Variants in AVL9 observed in about 807,000 individuals in gnomAD.
AVL9 encodes late secretory pathway protein AVL9 homolog.
A neutral mutation model predicts 79.2 loss-of-function variants in AVL9; 49 were observed. The ratio of observed to expected loss-of-function variants is 0.62; its 90% confidence interval spans 0.49 to 0.79. AVL9 has a LOEUF of 0.79. Ranked by LOEUF, AVL9 falls within the 30% of genes least tolerant of loss-of-function variation. The probability of loss-of-function intolerance (pLI) is 0.00; values close to 1 mark genes in which losing one functional copy is unlikely to be tolerated. For missense variants in AVL9, 682 were observed against 776.8 expected (o/e 0.88, Z 1.45); for synonymous variants, 299 against 280.6 (o/e 1.07, Z -0.65).
At chr7:32,540,871 C>CTTTTTTTTTTTTTTTTTTTTTTTTT (rs749306635) in intron 1 of AVL9, among the ~76,000 whole-genome samples, 1 of 72,468 alleles carries the variant, frequency 1.4e-5, no homozygotes, top group Non-Finnish European at 2.6e-5. Context: ...TGTTGTACTA[C>CTTTTTTTTTTTTTTTTTTTTTTTTT]TTTTTTTTTT....
At position 32,570,089 on chromosome 7, in the gene AVL9, T is replaced by C; in HGVS notation, c.1285T>C (p.Phe429Leu). The C allele has an allele frequency of 6.2e-7, 1 of 1,614,184 alleles. No homozygotes were observed. Among genetic ancestry groups the C allele is most frequent in the Non-Finnish European group, 8.5e-7 (1 of 1,180,022 alleles). Residue 429 changes from phenylalanine to leucine, a missense_variant, in exon 11 of 16, where the codon TTT becomes CTT. Physicochemically the swap from Phe to Leu is conservative, Grantham distance 22 (BLOSUM62 0). Transcript: ENST00000318709. ...TCTCTCCGATGTCACCGTTCGGGGG[T>C]TTGTTGCTGGAGCTACTAACATCCT... ...HLLSDVTVRG[F>L]VAGATNILFR...
At position 32,587,526 on chromosome 7, in the gene AVL9, C is replaced by T. The variant is rs972654246; in HGVS notation, c.*3619C>T. On this transcript the variant is annotated 3_prime_UTR_variant, in exon 16 of 16. Transcript: ENST00000318709. ...TTTAACCACATGAACTAACCTGCGT[C>T]AGCAGTTGCAGAAAGTAGCCTGTTA... is the stretch of plus-strand genomic sequence containing the variant. The T allele has an allele frequency of 6.6e-6, 1 of 152,270 alleles. No individual in the cohort carries two copies. The highest frequency in any genetic ancestry group is 1.5e-5 in the Non-Finnish European group (1 of 68,074). 9.4% of individuals were successfully genotyped at this position (152,270 alleles called of 1,614,324 possible).
rs2290219 is a variant in AVL9 at position 32,587,169 on chromosome 7, C to G, written c.*3262C>G. 1.3e-5 allele frequency: 2 copies of G among 151,926 alleles called. No individual in the cohort carries two copies. The highest frequency in any genetic ancestry group is 4.8e-5 in the African/African-American group (2 of 41,318). The allele number at this position is 151,926 out of a possible 1,614,324, so 9.4% of individuals were successfully genotyped here. A position where few individuals can be genotyped will look rare whatever the true frequency, so the allele number is the denominator to read the frequency against. On this transcript the variant is annotated 3_prime_UTR_variant, in exon 16 of 16. Transcript: ENST00000318709. ...AGAATAATTTCCTTTGGAAAGCCAA[C>G]GAGAAAACAAATTAGGAAGAGAGAG... is the stretch of plus-strand genomic sequence containing the variant.
intron 1 of AVL9, 98 bp downstream of exon 1, chr7:32,495,900 G>A: frequency 1.3e-6 from 1 of 770,850 alleles, no homozygotes; most frequent in Non-Finnish European, 1.8e-6. Flanking sequence ...GCGTCGTGCA[G>A]TCCTCCCCAC....
chr7:32,496,544 T>C (rs561566984), intron 1 of AVL9, among the ~76,000 whole-genome samples: 9 of 152,356 alleles, frequency 5.9e-5, no homozygotes, highest in Admixed American at 3.3e-4. Flanking sequence ...ATTTGCAATC[T>C]ATGTATTGAA....
intron 11 of AVL9, among the ~76,000 whole-genome samples, chr7:32,572,919 G>A (rs745567657): frequency 6.6e-6 from 1 of 151,642 alleles, no homozygotes; most frequent in Non-Finnish European, 1.5e-5. Context: ...ATTTTTACAT[G>A]TATTTCTATA....
chr7:32,552,377 T>G (rs1789872534), intron 6 of AVL9, 82 bp downstream of exon 6: 4 of 777,432 alleles, frequency 5.1e-6, no homozygotes, highest in Admixed American at 4.7e-5. Flanking sequence ...AAACTTTGAT[T>G]AGAATTACAT....
chr7:32,541,691 GTTATTTATGCCTCACCTTCAGTTAATT>G (rs1789214845), intron 1 of AVL9, among the ~76,000 whole-genome samples: 1 of 151,140 alleles, frequency 6.6e-6, no homozygotes, highest in Non-Finnish European at 1.5e-5. Context: ...GTAACTGGAG[GTTATTTATGCCTCACCTTCAGTTAATT>G]TTTTTTTTTT....
intron 10 of AVL9, among the ~76,000 whole-genome samples, chr7:32,563,990 T>C (rs1437331628): frequency 1.3e-5 from 2 of 152,226 alleles, no homozygotes; most frequent in Admixed American, 6.5e-5. Flanking sequence ...GCGGGCTTTC[T>C]GAGCTGTGTT....
chr7:32,513,331 A>G (rs1787762947), intron 1 of AVL9, among the ~76,000 whole-genome samples: 2 of 152,212 alleles, frequency 1.3e-5, no homozygotes, highest in Admixed American at 1.3e-4. Context: ...AACTTGCTTC[A>G]TTATACCCTT....
chr7:32,575,607 G>A (rs1791059052), intron 12 of AVL9, among the ~76,000 whole-genome samples: 1 of 151,898 alleles, frequency 6.6e-6, no homozygotes, highest in Admixed American at 6.6e-5. Flanking sequence ...TTTATTCACT[G>A]TCAAGCATAC....
intron 1 of AVL9, among the ~76,000 whole-genome samples, chr7:32,520,613 T>G (rs1003534965): frequency 2.0e-5 from 3 of 152,188 alleles, no homozygotes; most frequent in Admixed American, 2.0e-4. Flanking sequence ...ACGCTTCTTA[T>G]GCAAGCCATG....
At chr7:32,506,841 G>A (rs1219366561) in intron 1 of AVL9, among the ~76,000 whole-genome samples, 1 of 151,932 alleles carries the variant, frequency 6.6e-6, no homozygotes, top group Non-Finnish European at 1.5e-5. Context: ...AAACAGAAGA[G>A]GAGGGAACAT....
chr7:32,523,508 C>CTTTTTTTTT (rs70992725), intron 1 of AVL9, among the ~76,000 whole-genome samples: 23 of 79,280 alleles, frequency 2.9e-4, no homozygotes, highest in East Asian at 8.9e-4. Flanking sequence ...TATAAATTTC[C>CTTTTTTTTT]TTTTTTTTTT....
chr7:32,564,318 G>A (rs976510338), intron 10 of AVL9, among the ~76,000 whole-genome samples: 1 of 152,132 alleles, frequency 6.6e-6, no homozygotes, highest in Non-Finnish European at 1.5e-5. Context: ...TTTAATCACA[G>A]TTTCAAATGC....
At chr7:32,563,378 T>C (rs1790413137) in intron 10 of AVL9, among the ~76,000 whole-genome samples, 1 of 152,062 alleles carries the variant, frequency 6.6e-6, no homozygotes, top group Non-Finnish European at 1.5e-5. Context: ...TAATACCTAA[T>C]GCAATGTAAA....
At chr7:32,567,583 T>C (rs1790639746) in intron 10 of AVL9, among the ~76,000 whole-genome samples, 1 of 152,182 alleles carries the variant, frequency 6.6e-6, no homozygotes, top group African/African-American at 2.4e-5. Flanking sequence ...GTCACTGTCT[T>C]ATGTTTGTTT....
In AVL9 at chr7:32,580,240, C is replaced by T. The variant is rs773448893; in HGVS notation, c.1710C>T (p.Tyr570=). The change falls in exon 14 of 16, where the codon TAC becomes TAT. Residue 570 remains tyrosine, a synonymous_variant. Coordinates refer to ENST00000318709, the MANE Select transcript of AVL9 (RefSeq NM_015060.3). ...ACAGCCATCCATTTCAAGGCCAATA[C>T]TCAGTATCAGACATGAAGTTAAGGT... The part of the protein sequence containing the change: ...INPNHPFQGQ[Y]SVSDMKLRFS... 1.2e-6 allele frequency: 2 copies of T among 1,612,384 alleles called. No individual in the cohort carries two copies. Among genetic ancestry groups the T allele is most frequent in the African/African-American group, 1.3e-5 (1 of 74,892 alleles).
At chr7:32,566,976 C>T (rs4723173) in intron 10 of AVL9, among the ~76,000 whole-genome samples, 127,641 of 152,236 alleles carry the variant, frequency 0.84, 53,564 homozygotes, top group Middle Eastern at 0.88. Context: ...TAAAACTTTT[C>T]TAAAGAGCAG....
Sources: allele counts gnomAD v4.1 joint callset (sites outside exome capture counted in the v4.1 genomes callset), GRCh38; gene constraint gnomAD v4.1.1; transcripts MANE v1.5; gene names NCBI Gene and HGNC (gene_info 2026-07-23, HGNC 2026-07-21).